CAMKMT: variants seen among roughly 807,000 people sequenced by gnomAD.
CAMKMT encodes calmodulin-lysine N-methyltransferase, also known as CaM KMT.
CAMKMT carries 53 observed loss-of-function variants against 48.0 expected under a neutral mutation model. The observed-to-expected ratio is 1.10, with a 90% CI of 0.89 to 1.39. The LOEUF (loss-of-function observed/expected upper bound fraction) is 1.39, where lower values mean the gene tolerates loss of function less well. Among genes scored for constraint, CAMKMT ranks in the 40% most tolerant of loss-of-function variants. The pLI, the probability that CAMKMT is intolerant of heterozygous loss-of-function variation, is 0.00. For synonymous variants in CAMKMT, 165 were observed against 152.3 expected (o/e 1.08, Z -0.61); for missense variants, 428 against 402.7 (o/e 1.06, Z -0.54).
chr2:44,507,483 T>C (rs1188140780), intron 3 of CAMKMT, among the ~76,000 whole-genome samples: 1 of 152,204 alleles, frequency 6.6e-6, no homozygotes, highest in Non-Finnish European at 1.5e-5. Context: ...TTCTAATTGG[T>C]GTACTGTACC....
intron 3 of CAMKMT, chr2:44,400,776 G>A (rs1268959021): frequency 1.3e-5 from 2 of 151,342 alleles, no homozygotes; most frequent in Non-Finnish European, 2.9e-5. Context: ...TCAACAGCCA[G>A]TATCTTCGAG....
At chr2:44,540,880 GT>G (rs1447376792) in intron 3 of CAMKMT, among the ~76,000 whole-genome samples, 1 of 152,210 alleles carries the variant, frequency 6.6e-6, no homozygotes, top group Non-Finnish European at 1.5e-5. Flanking sequence ...TCCATTTGAA[GT>G]TTATTCTTAT....
At chr2:44,673,517 G>T in intron 3 of CAMKMT, among the ~76,000 whole-genome samples, 1 of 85,970 alleles carries the variant, frequency 1.2e-5, no homozygotes, top group Admixed American at 1.4e-4. Context: ...AAGGAAGGAA[G>T]GAAGGAGGGA....
At chr2:44,768,361 ATTTTTTT>A (rs1553448674) in intron 10 of CAMKMT, among the ~76,000 whole-genome samples, 17 of 115,708 alleles carry the variant, frequency 1.5e-4, no homozygotes, top group Non-Finnish European at 2.4e-4. Context: ...ATATATATAT[ATTTTTTT>A]TTTTTTTTTA....
chr2:44,676,894 C>T (rs1011460972), intron 3 of CAMKMT: 1 of 152,194 alleles, frequency 6.6e-6, no homozygotes, highest in Non-Finnish European at 1.5e-5. Flanking sequence ...TGTCTTCCTG[C>T]TTCTAATTCA....
chr2:44,458,613 C>T (rs140100920), intron 3 of CAMKMT, among the ~76,000 whole-genome samples: 23 of 152,246 alleles, frequency 1.5e-4, no homozygotes, highest in Non-Finnish European at 2.6e-4. Context: ...TTTAGAAAGA[C>T]GTTTTTATAT....
intron 3 of CAMKMT, among the ~76,000 whole-genome samples, chr2:44,458,042 CTTTTTTTTTTTTT>C (rs541348745): frequency 1.3e-5 from 1 of 75,396 alleles, no homozygotes; most frequent in Admixed American, 1.7e-4. Context: ...AGCTTTGTGA[CTTTTTTTTTTTTT>C]TTTTTTTTTT....
chr2:44,398,952 C>T (rs967784022), intron 3 of CAMKMT, among the ~76,000 whole-genome samples: 3 of 152,126 alleles, frequency 2.0e-5, no homozygotes, highest in East Asian at 1.9e-4. Context: ...CTCCACTCAG[C>T]CCTGAGTCTG....
chr2:44,516,581 A>C (rs1044703249), intron 3 of CAMKMT, among the ~76,000 whole-genome samples: 1 of 152,148 alleles, frequency 6.6e-6, no homozygotes, highest in African/African-American at 2.4e-5. Flanking sequence ...ATATACTATT[A>C]ACTCATTACC....
intron 3 of CAMKMT, among the ~76,000 whole-genome samples, chr2:44,441,890 C>G (rs1572884262): frequency 6.6e-6 from 1 of 152,260 alleles, no homozygotes; most frequent in Admixed American, 6.5e-5. Context: ...CCTCTTTTAT[C>G]TAGACTTCTA....
At chr2:44,450,421 G>C (rs2104588987) in intron 3 of CAMKMT, among the ~76,000 whole-genome samples, 1 of 152,256 alleles carries the variant, frequency 6.6e-6, no homozygotes, top group Admixed American at 6.5e-5. Flanking sequence ...TTCAGTCATT[G>C]AGTTTTGAAG....
chr2:44,764,331 T>C (rs1680743746), intron 9 of CAMKMT, among the ~76,000 whole-genome samples: 1 of 152,176 alleles, frequency 6.6e-6, no homozygotes, highest in Non-Finnish European at 1.5e-5. Context: ...AGAGAATTGA[T>C]AGCATTTTTA....
At chr2:44,516,016 T>C (rs1670813876) in intron 3 of CAMKMT, among the ~76,000 whole-genome samples, 1 of 152,278 alleles carries the variant, frequency 6.6e-6, no homozygotes, top group East Asian at 1.9e-4. Context: ...TTTGAGAACT[T>C]CTCATTATTA....
intron 1 of CAMKMT, among the ~76,000 whole-genome samples, chr2:44,367,540 A>G (rs533684647): frequency 1.9e-3 from 292 of 152,218 alleles, no homozygotes; most frequent in Non-Finnish European, 3.6e-3. Context: ...ATGTTTTGCA[A>G]ATATTCCCAA....
chr2:44,546,579 TAA>T (rs1667423763), intron 3 of CAMKMT, among the ~76,000 whole-genome samples: 2 of 152,232 alleles, frequency 1.3e-5, no homozygotes, highest in South Asian at 4.1e-4. Flanking sequence ...ACAACACTCA[TAA>T]TATGAATCAA....
chr2:44,595,273 AC>A (rs1260824625), intron 3 of CAMKMT, among the ~76,000 whole-genome samples: 2 of 151,566 alleles, frequency 1.3e-5, no homozygotes, highest in Admixed American at 6.6e-5. Flanking sequence ...TACTAGAAAT[AC>A]CATTTGACCC....
intron 2 of CAMKMT, among the ~76,000 whole-genome samples, chr2:44,389,888 G>A (rs1681154610): frequency 6.6e-6 from 1 of 152,106 alleles, no homozygotes; most frequent in Admixed American, 6.6e-5. Flanking sequence ...TGTGGTTCTG[G>A]AAGGTGATGA....
intron 3 of CAMKMT, among the ~76,000 whole-genome samples, chr2:44,637,405 A>G (rs1177903157): frequency 6.6e-6 from 1 of 152,088 alleles, no homozygotes; most frequent in African/African-American, 2.4e-5. Flanking sequence ...AATGCTTTTT[A>G]GTTTTTTTAT....
rs375769423 is a variant in CAMKMT at position 44,554,839 on chromosome 2, C to T, written c.377-149444C>T. ...TGCAGTGAACCATGATCATACCCTG[C>T]ACTCCGGCCCGAGTGACAGAGTGAG... is the stretch of plus-strand genomic sequence containing the variant. On this transcript the variant is annotated intron_variant, in intron 3 of 10. Coordinates refer to ENST00000378494, the MANE Select transcript of CAMKMT (RefSeq NM_024766.5). Among the ~76,000 whole-genome samples the T allele has an allele frequency of 5.9e-5, 9 of 152,250 alleles. 1 individual carries two copies. In the South Asian group the frequency reaches 1.9e-3, roughly 32 times the overall value.
Sources: allele counts gnomAD v4.1 joint callset (sites outside exome capture counted in the v4.1 genomes callset), GRCh38; gene constraint gnomAD v4.1.1; transcripts MANE v1.5; gene names NCBI Gene and HGNC (gene_info 2026-07-23, HGNC 2026-07-21).